Variants in AGBL4 observed in about 807,000 individuals in gnomAD.
AGBL4 encodes the protein cytosolic carboxypeptidase 6.
A neutral mutation model predicts 66.4 loss-of-function variants in AGBL4; 58 were observed. The ratio of observed to expected loss-of-function variants is 0.87; its 90% CI spans 0.71 to 1.09. AGBL4 has a LOEUF of 1.09. Ranked by LOEUF, AGBL4 falls within the 50% of genes least tolerant of loss-of-function variation. AGBL4 has a pLI of 0.00. For missense variants in AGBL4, 579 were observed against 631.0 expected, an observed-to-expected ratio of 0.92 and a Z score of 0.88; for synonymous variants, 234 against 222.9, an observed-to-expected ratio of 1.05 and a Z score of -0.44.
chr1:49,080,448 T>G (rs1040359753), intron 4 of AGBL4, among the ~76,000 whole-genome samples: 9 of 152,204 alleles, frequency 5.9e-5, no homozygotes, highest in African/African-American at 1.9e-4. Context: ...TAGCCAGCCC[T>G]CACTGATCCC....
intron 4 of AGBL4, among the ~76,000 whole-genome samples, chr1:49,067,832 G>A (rs1644518919): frequency 6.6e-6 from 1 of 152,068 alleles, no homozygotes; most frequent in Non-Finnish European, 1.5e-5. Flanking sequence ...AGGTATACAT[G>A]TGCCATGTTC....
chr1:49,382,412 C>T lies in AGBL4; in HGVS notation c.283-136548G>A, dbSNP rs559183925. On this transcript the variant is annotated intron_variant, in intron 3 of 13. Transcript: ENST00000371839. ...GAAAAAATGAAGGGGGGAAACTACA[C>T]GATCAATTCAGTTGATAGAGAAAAA... 4.9e-4 allele frequency among the ~76,000 whole-genome samples: 75 copies of T among 151,848 alleles called. No individual in the cohort carries two copies. In the Middle Eastern group the frequency reaches 0.01, roughly 21 times the overall value.
intron 2 of AGBL4, among the ~76,000 whole-genome samples, chr1:49,747,805 A>C (rs1274906058): frequency 6.6e-6 from 1 of 152,150 alleles, no homozygotes; most frequent in Admixed American, 6.6e-5. Context: ...AATGTTTACT[A>C]TCATTTGATG....
intron 6 of AGBL4, chr1:48,776,694 T>G: frequency 2.0e-6 from 3 of 1,515,164 alleles, no homozygotes; most frequent in Non-Finnish European, 2.6e-6. Flanking sequence ...CGGCGCCCAA[T>G]TCCTCCGGGC....
intron 1 of AGBL4, chr1:49,996,293 C>T (rs143521756): frequency 2.5e-4 from 38 of 151,988 alleles, no homozygotes; most frequent in African/African-American, 7.5e-4. Flanking sequence ...AGGCAAATAC[C>T]AACTTAATGA....
chr1:48,955,756 G>A (rs1347588215), intron 5 of AGBL4, among the ~76,000 whole-genome samples: 2 of 152,146 alleles, frequency 1.3e-5, no homozygotes, highest in Non-Finnish European at 2.9e-5. Context: ...TTTAAATTTC[G>A]GATTTGCCCG....
intron 6 of AGBL4, among the ~76,000 whole-genome samples, chr1:48,865,620 A>G (rs1003039105): frequency 4.6e-5 from 7 of 152,056 alleles, no homozygotes; most frequent in African/African-American, 1.7e-4. Context: ...CTTTGCTTGC[A>G]TTTGTGAAGT....
chr1:49,954,158 G>C (rs1656395499), intron 1 of AGBL4, among the ~76,000 whole-genome samples: 1 of 151,898 alleles, frequency 6.6e-6, no homozygotes, highest in South Asian at 2.1e-4. Context: ...GCATCCCAAA[G>C]TGCTGGGATT....
At chr1:48,627,605 A>G (rs537884132) in intron 9 of AGBL4, among the ~76,000 whole-genome samples, 1 of 151,920 alleles carries the variant, frequency 6.6e-6, no homozygotes, top group Non-Finnish European at 1.5e-5. Context: ...AAAAAAAGCC[A>G]GCCCCGTGTT....
At chr1:49,115,332 T>C (rs1557652936) in intron 4 of AGBL4, among the ~76,000 whole-genome samples, 3 of 152,194 alleles carry the variant, frequency 2.0e-5, no homozygotes. Context: ...ATTTTTCTTC[T>C]ACTGAAAAGA....
At chr1:49,262,865 T>C (rs561063818) in intron 3 of AGBL4, among the ~76,000 whole-genome samples, 225 of 152,324 alleles carry the variant, frequency 1.5e-3, no homozygotes, top group African/African-American at 5.2e-3. Flanking sequence ...CGTATGTTTA[T>C]TGCGGCACTA....
intron 4 of AGBL4, among the ~76,000 whole-genome samples, chr1:49,095,561 C>A (rs1406876825): frequency 1.3e-5 from 2 of 152,122 alleles, no homozygotes; most frequent in African/African-American, 2.4e-5. Context: ...GGATCTTTGA[C>A]AAACCTGACA....
chr1:48,641,983 G>A (rs553753379), intron 8 of AGBL4, among the ~76,000 whole-genome samples: 5 of 152,186 alleles, frequency 3.3e-5, no homozygotes, highest in African/African-American at 1.2e-4. Flanking sequence ...CTGACGAAAG[G>A]TGCTACCCCC....
chr1:48,657,851 C>T (rs150138540), intron 7 of AGBL4, among the ~76,000 whole-genome samples: 33 of 152,292 alleles, frequency 2.2e-4, no homozygotes, highest in African/African-American at 7.9e-4. Context: ...AGTTACATTT[C>T]CTGCACTTCT....
At chr1:48,575,231 T>A (rs1644633183) in intron 11 of AGBL4, among the ~76,000 whole-genome samples, 1 of 152,084 alleles carries the variant, frequency 6.6e-6, no homozygotes, top group Non-Finnish European at 1.5e-5. Context: ...CTAGGAGATA[T>A]CCCAAACTTC....
intron 2 of AGBL4, among the ~76,000 whole-genome samples, chr1:49,747,244 C>G (rs1651057284): frequency 6.6e-6 from 1 of 152,106 alleles, no homozygotes; most frequent in Non-Finnish European, 1.5e-5. Context: ...TACATCAGAA[C>G]TGAGTTCTAT....
intron 2 of AGBL4, among the ~76,000 whole-genome samples, chr1:49,746,120 AT>A (rs1650967848): frequency 6.6e-6 from 1 of 151,966 alleles, no homozygotes; most frequent in Non-Finnish European, 1.5e-5. Flanking sequence ...ATTCATCAGT[AT>A]AGCCTCAGCG....
chr1:49,404,366 G>T (rs1645151296), intron 3 of AGBL4, among the ~76,000 whole-genome samples: 1 of 152,154 alleles, frequency 6.6e-6, no homozygotes, highest in South Asian at 2.1e-4. Context: ...ACCCTCACTA[G>T]AAGCCAAATT....
chr1:48,604,624 A>T (rs566606345), intron 9 of AGBL4, among the ~76,000 whole-genome samples: 1 of 152,272 alleles, frequency 6.6e-6, no homozygotes, highest in South Asian at 2.1e-4. Flanking sequence ...TTTTTAAAAA[A>T]AATTCAAACA....
Sources: allele counts gnomAD v4.1 joint callset (sites outside exome capture counted in the v4.1 genomes callset), GRCh38; gene constraint gnomAD v4.1.1; transcripts MANE v1.5; gene names NCBI Gene and HGNC (gene_info 2026-07-23, HGNC 2026-07-21).